The following RPA2 variants were observed in gnomAD, a reference collection of about 807,000 sequenced individuals.
RPA2 encodes replication protein A2, also known as replication protein A 32 kDa subunit.
In RPA2, 22 loss-of-function variants were observed where a neutral mutation model predicts 33.4. The ratio of observed to expected loss-of-function variants is 0.66; its 90% CI spans 0.47 to 0.94. RPA2 has a LOEUF of 0.94. Ranked by LOEUF, RPA2 falls within the 40% of genes least tolerant of loss-of-function variation. The probability of loss-of-function intolerance (pLI) is 0.00; values close to 1 mark genes in which losing one functional copy is unlikely to be tolerated. For missense variants in RPA2, 279 were observed against 329.9 expected (o/e 0.85, Z 1.19); for synonymous variants, 109 against 114.9 (o/e 0.95, Z 0.33).
chr1:27,907,181 C>T lies in RPA2; in HGVS notation c.219G>A (p.Gln73=). ...TTCTTTCACAAATTATTTGACATAC[C>T]TGTGAAATCTCAACATTCCCAATTC... ...VFRIGNVEIS[Q]VTIVGIIRHA... is the part of the protein sequence containing the mutation. The change falls in exon 3 of 9, where the codon CAG becomes CAA. Residue 73 remains glutamine (Q), a splice_region_variant and synonymous_variant. Transcript: ENST00000373912. The T allele has an allele frequency of 1.2e-6, 2 of 1,609,960 alleles. No homozygotes were observed. The highest frequency in any genetic ancestry group is 1.1e-5 in the South Asian group (1 of 90,448).
At chr1:27,904,449 T>G (rs1287689859) in intron 4 of RPA2, among the ~76,000 whole-genome samples, 1 of 152,196 alleles carries the variant, frequency 6.6e-6, no homozygotes, top group East Asian at 1.9e-4. Context: ...AGTATCTACC[T>G]CCCTGCTTGA....
chr1:27,912,149 TGA>T (rs1275098011), intron 2 of RPA2, among the ~76,000 whole-genome samples: 1 of 152,122 alleles, frequency 6.6e-6, no homozygotes, highest in African/African-American at 2.4e-5. Context: ...AGAATATCAT[TGA>T]GTTTTTTAAC....
At position 27,914,444 on chromosome 1, in the gene RPA2, C is replaced by A; in HGVS notation, c.-1G>T. 2 of 1,597,862 alleles carry A rather than the reference C, an allele frequency of 1.3e-6. No individual in the cohort carries two copies. Among genetic ancestry groups the A allele is most frequent in the Admixed American group, 1.7e-5 (1 of 58,256 alleles). On this transcript the variant is annotated 5_prime_UTR_variant, in exon 1 of 9. Transcript: ENST00000373912. ...CACCCCCATCATTACTGTTCCACAT[C>A]TTGGTCACGATTCTCCGCAAAGAGG...
intron 2 of RPA2, among the ~76,000 whole-genome samples, chr1:27,909,508 G>C (rs2090071394): frequency 6.6e-6 from 1 of 152,084 alleles, no homozygotes; most frequent in South Asian, 2.1e-4. Flanking sequence ...AGGAGTTTGA[G>C]ATCAAGCCTG....
intron 2 of RPA2, among the ~76,000 whole-genome samples, 198 bp from the exon 3 acceptor site, chr1:27,907,480 T>G (rs1162567453): frequency 1.3e-5 from 2 of 152,218 alleles, no homozygotes; most frequent in African/African-American, 2.4e-5. Flanking sequence ...AACCCAGGTT[T>G]GTCTAACTCC....
At position 27,914,296 on chromosome 1, in the gene RPA2, CGGGT is replaced by C. The variant is rs144637577; in HGVS notation, c.11-131_11-128del. 14,633 of 1,605,658 alleles carry C rather than the reference CGGGT, an allele frequency of 9.1e-3. 155 individuals carry two copies. Among genetic ancestry groups the C allele is most frequent in the African/African-American group, 0.054 (4,075 of 74,864 alleles). On this transcript the variant is annotated intron_variant, in intron 1 of 8. Transcript: ENST00000373912. The stretch of plus-strand genomic sequence containing the variant: ...CCTAACCTTCCTCGCCGCCTTCCTG[CGGGT>C]GACCCCCAAACGCCCCAGCTCCGCT...
chr1:27,901,699 A>C (rs1273583291), intron 4 of RPA2, among the ~76,000 whole-genome samples: 3 of 152,166 alleles, frequency 2.0e-5, no homozygotes, highest in Admixed American at 2.0e-4. Flanking sequence ...ACAAACAAAA[A>C]AAACAAACTT....
intron 4 of RPA2, among the ~76,000 whole-genome samples, chr1:27,901,923 C>G (rs1346931310): frequency 2.6e-5 from 4 of 151,992 alleles, no homozygotes; most frequent in African/African-American, 9.6e-5. Context: ...TCACTATAAT[C>G]ATTTTCAAGT....
At chr1:27,913,948 C>A in intron 2 of RPA2, 115 bp downstream of exon 2, 2 of 975,488 alleles carry the variant, frequency 2.1e-6, no homozygotes, top group Non-Finnish European at 3.0e-6. Context: ...AATAATAGAT[C>A]ATTATCGCAT....
At chr1:27,903,982 C>T (rs1234659777) in intron 4 of RPA2, among the ~76,000 whole-genome samples, 3 of 150,460 alleles carry the variant, frequency 2.0e-5, no homozygotes, top group Admixed American at 6.7e-5. Context: ...CTGACCAATA[C>T]AGAGAAACCC....
intron 5 of RPA2, 46 bp from the exon 6 acceptor site, chr1:27,897,167 T>C: frequency 3.7e-6 from 5 of 1,340,290 alleles, no homozygotes; most frequent in Non-Finnish European, 4.3e-6. Context: ...TGAACATACA[T>C]TAATTTCAGG....
At chr1:27,895,980 A>G (rs2089886105) in intron 6 of RPA2, among the ~76,000 whole-genome samples, 1 of 151,984 alleles carries the variant, frequency 6.6e-6, no homozygotes, top group African/African-American at 2.4e-5. Flanking sequence ...AATGTTCCTC[A>G]TCTAAAATTG....
At chr1:27,901,425 C>T (rs922597521) in intron 4 of RPA2, among the ~76,000 whole-genome samples, 20 of 151,344 alleles carry the variant, frequency 1.3e-4, no homozygotes, top group Admixed American at 5.9e-4. Flanking sequence ...TGCAATGGCG[C>T]GATCTCAGCT....
At chr1:27,914,369 G>C in intron 1 of RPA2, 65 bp downstream of exon 1, 1 of 1,613,876 alleles carries the variant, frequency 6.2e-7, no homozygotes, top group Non-Finnish European at 8.5e-7. Context: ...CGGACCCTAG[G>C]CTCGCCCTCT....
chr1:27,894,688 G>C (rs2089868065), intron 6 of RPA2, among the ~76,000 whole-genome samples: 1 of 152,154 alleles, frequency 6.6e-6, no homozygotes, highest in African/African-American at 2.4e-5. Flanking sequence ...AAATTACCCA[G>C]AGTCTGCTAT....
upstream of RPA2, chr1:27,914,610 A>G (rs1341817486): frequency 6.2e-7 from 1 of 1,613,874 alleles, no homozygotes; most frequent in South Asian, 1.1e-5. Context: ...TGCTCGCTTC[A>G]GCCAATCGGT....
In RPA2 at chr1:27,914,540, A is replaced by C; in HGVS notation, c.-97T>G. 6.2e-7 allele frequency: 1 copy of C among 1,610,288 alleles called. No homozygotes were observed. The highest frequency in any genetic ancestry group is 2.2e-5 in the East Asian group (1 of 44,876). On this transcript the variant is annotated 5_prime_UTR_variant, in exon 1 of 9. Coordinates refer to ENST00000373912, the MANE Select transcript of RPA2 (RefSeq NM_002946.5). Reference sequence around the variant, plus strand: ...CGGCCGCCACTGCGCCGCTCTGGCTACTTTTCTCTGGCACCACAAACGCCT... The same window carrying C: ...CGGCCGCCACTGCGCCGCTCTGGCTCCTTTTCTCTGGCACCACAAACGCCT...
At chr1:27,901,301 CATT>C (rs1464634420) in intron 4 of RPA2, among the ~76,000 whole-genome samples, 1 of 152,154 alleles carries the variant, frequency 6.6e-6, no homozygotes, top group Non-Finnish European at 1.5e-5. Flanking sequence ...CTAGCAAAAA[CATT>C]ATGAATTGCT....
chr1:27,904,314 G>A (rs1274626352), intron 4 of RPA2, among the ~76,000 whole-genome samples: 2 of 152,186 alleles, frequency 1.3e-5, no homozygotes, highest in Admixed American at 1.3e-4. Flanking sequence ...ATGTCTGAAA[G>A]GGTATTTTCC....
Sources: gnomAD v4.1 joint callset for allele counts (sites outside exome capture counted in the v4.1 genomes callset) on GRCh38, gnomAD v4.1.1 for gene constraint, MANE v1.5 for transcripts, NCBI Gene and HGNC (gene_info 2026-07-23, HGNC 2026-07-21) for gene names.